Variants in CC2D1B observed in about 807,000 individuals in gnomAD.
CC2D1B encodes coiled-coil and C2 domain containing 1B.
CC2D1B carries 92 observed loss-of-function variants against 110.8 expected under a neutral mutation model. The ratio of observed to expected loss-of-function variants is 0.83; its 90% CI spans 0.70 to 0.99. The LOEUF (loss-of-function observed/expected upper bound fraction) is 0.99. Among genes scored for constraint, CC2D1B ranks in the 50% least tolerant of loss-of-function variants. CC2D1B has a pLI of 0.00. For missense variants in CC2D1B, 1,136 were observed against 1,089.0 expected (o/e 1.04, Z -0.61); for synonymous variants, 406 against 429.2 (o/e 0.95, Z 0.67).
chr1:52,360,321 C>A, intron 6 of CC2D1B, 88 bp from the exon 7 acceptor site: 1 of 1,595,648 alleles, frequency 6.3e-7, no homozygotes, highest in South Asian at 1.1e-5. Flanking sequence ...CCCCCAACCC[C>A]CAAAGTCTGG....
chr1:52,355,609 G>C lies in CC2D1B; in HGVS notation c.2186C>G (p.Ser729Trp), dbSNP rs758309950. 4.3e-6 allele frequency: 7 copies of C among 1,614,162 alleles called. No homozygotes were observed. The highest frequency in any genetic ancestry group is 5.1e-6 in the Non-Finnish European group (6 of 1,180,004). The change falls in exon 20 of 25, where the codon TCG becomes TGG. Residue 729 changes from serine (S) to tryptophan (W), a missense_variant and splice_region_variant. Physicochemically the swap from Ser to Trp is radical, Grantham distance 177. Coordinates refer to ENST00000284376, the MANE Select transcript of CC2D1B (RefSeq NM_001330585.2). ...ATCCTACTTCTACCTGAACCTCACC[G>C]AGTTAGGGTAGTGAAACTCAAACCG... is the stretch of plus-strand genomic sequence containing the variant. ...FVRFEFHYPN[S>W]DQAQKSKTAV...
intron 11 of CC2D1B, 121 bp downstream of exon 11, chr1:52,358,906 C>A: frequency 6.8e-7 from 1 of 1,477,602 alleles, no homozygotes; most frequent in Non-Finnish European, 9.2e-7. Context: ...AGCAAGAGCC[C>A]CAGAGAGACA....
chr1:52,358,692 G>C lies in CC2D1B; in HGVS notation c.1324C>G (p.Pro442Ala). Residue 442 changes from proline to alanine, a missense_variant, in exon 12 of 25, where the codon CCT becomes GCT. Pro to Ala is a conservative substitution (Grantham distance 27). Coordinates refer to ENST00000284376, the MANE Select transcript of CC2D1B (RefSeq NM_001330585.2). Reference protein sequence around the residue: ...RKVNFAELPVPPGFPPIPGLE... With the variant: ...RKVNFAELPVAPGFPPIPGLE... ...TAGGCCATGCCCCACTTACCTGGAG[G>C]AACAGGCAATTCAGCAAAGTTGACT... The C allele has an allele frequency of 1.9e-6, 3 of 1,613,118 alleles. No individual in the cohort carries two copies. The highest frequency in any genetic ancestry group is 1.3e-5 in the African/African-American group (1 of 74,946).
In CC2D1B at chr1:52,357,885, G is replaced by T; in HGVS notation, c.1475C>A (p.Ala492Glu). ...DKDEDEGEPP[A>E]QAPVAKKPAR... ...AGGTTTCTTGGCCACTGGGGCCTGT[G>T]CTGGGGGCTCACCCTGCAGGTGCCC... The change falls in exon 14 of 25, where the codon GCA (alanine) becomes GAA (glutamate). Residue 492 changes from alanine to glutamate, a missense_variant. Transcript: ENST00000284376. The T allele has an allele frequency of 6.4e-7, 1 of 1,564,758 alleles. No individual in the cohort carries two copies.
chr1:52,361,437 C>T, intron 4 of CC2D1B, 76 bp downstream of exon 4: 1 of 1,596,488 alleles, frequency 6.3e-7, no homozygotes, highest in Non-Finnish European at 8.5e-7. Context: ...CACCCCCAGC[C>T]TCCTCTCCAC....
Position 52,358,725 on chromosome 1 carries a change from C to T in CC2D1B, c.1291G>A (p.Gly431Arg). The T allele has an allele frequency of 1.2e-6, 2 of 1,613,168 alleles. No individual in the cohort carries two copies. Among genetic ancestry groups the T allele is most frequent in the Admixed American group, 1.7e-5 (1 of 59,714 alleles). The change falls in exon 12 of 25, where the codon GGA (glycine) becomes AGA (arginine). Residue 431 changes from glycine (G) to arginine (R), a missense_variant. By Grantham distance (125) the Gly-to-Arg change is moderately radical. Transcript: ENST00000284376. ...YQDAIRAHRA[G>R]RKVNFAELPV... ...AATTCAGCAAAGTTGACTTTCCGTC[C>T]TGCTCGGTGTGCTCGAATAGCATCT...
chr1:52,355,770 C>T lies in CC2D1B; in HGVS notation c.2128+1G>A. 1 of 1,614,034 alleles carries T rather than the reference C, an allele frequency of 6.2e-7. No homozygotes were observed. The highest frequency in any genetic ancestry group is 1.6e-4 in the Middle Eastern group (1 of 6,062). ...TGGAGTAGGGGCGGCCCTAGGGTTA[C>T]CTGGAGGGGCTGGGAGGTTCATTCC... On this transcript the variant is annotated splice_donor_variant, in intron 19 of 24. Coordinates refer to ENST00000284376, the MANE Select transcript of CC2D1B (RefSeq NM_001330585.2). LOFTEE classifies it high-confidence loss of function.
chr1:52,355,551 C>T lies in CC2D1B; in HGVS notation c.2187+57G>A, dbSNP rs1209096916. The T allele has an allele frequency of 7.5e-6, 12 of 1,609,788 alleles. No individual in the cohort carries two copies. In the Admixed American group the frequency reaches 2.0e-4, roughly 27 times the overall value. On this transcript the variant is annotated intron_variant, in intron 20 of 24. Transcript: ENST00000284376. Reference sequence around the variant, plus strand: ...CCCAGGGATGGGAAGAAAGTGAGCACAGGGTCCTGGAATGCAAGGCGGGTT... The same window carrying T: ...CCCAGGGATGGGAAGAAAGTGAGCATAGGGTCCTGGAATGCAAGGCGGGTT...
rs1646604475 is a variant in CC2D1B at position 52,354,641 on chromosome 1, C to T, written c.2397G>A (p.Leu799=). ...VGTAHLKLER[L]ENECEIREIV... ...TTTCTCTGATCTCACACTCATTCTC[C>T]AGCCGCTCCAGTTTCAGGTGTGCTG... The change falls in exon 23 of 25, where the codon CTG becomes CTA. Residue 799 remains leucine, a synonymous_variant. Coordinates refer to ENST00000284376, the MANE Select transcript of CC2D1B (RefSeq NM_001330585.2). 1 of 1,614,132 alleles carries T rather than the reference C, an allele frequency of 6.2e-7. No homozygotes were observed. The highest frequency in any genetic ancestry group is 8.5e-7 in the Non-Finnish European group (1 of 1,180,056).
chr1:52,357,746 C>A, intron 14 of CC2D1B, 35 bp downstream of exon 14: 1 of 1,604,398 alleles, frequency 6.2e-7, no homozygotes, highest in Non-Finnish European at 8.5e-7. Flanking sequence ...CCTCTCTAGG[C>A]CCTCAGTTCT....
intron 22 of CC2D1B, 31 bp from the exon 23 acceptor site, chr1:52,354,729 A>C: frequency 6.2e-7 from 1 of 1,611,742 alleles, no homozygotes; most frequent in Non-Finnish European, 8.5e-7. Flanking sequence ...AGAGGATTGG[A>C]CTGGGCAGGG....
chr1:52,362,154 T>G (rs760550638), intron 3 of CC2D1B, among the ~76,000 whole-genome samples: 17 of 151,852 alleles, frequency 1.1e-4, no homozygotes, highest in Non-Finnish European at 2.1e-4. Context: ...GGGGGATGAG[T>G]GGGGGGATTC....
Position 52,357,604 on chromosome 1 carries a change from TTTGGCCTGCTCCAGGTCCTGGCTGCGC to T in CC2D1B, c.1647_1673del (p.Arg550_Lys558del), listed in dbSNP as rs1324047373. The stretch of plus-strand genomic sequence containing the variant: ...GCCATTTGGCTACCCGCAGATAGGC[TTTGGCCTGCTCCAGGTCCTGGCTGCGC>T]TTGGCCTGCAGGGCTGCCCGCTGAT... On this transcript the variant is annotated inframe_deletion, in exon 15 of 25. Coordinates refer to ENST00000284376, the MANE Select transcript of CC2D1B (RefSeq NM_001330585.2). 1 of 1,589,282 alleles carries T rather than the reference TTTGGCCTGCTCCAGGTCCTGGCTGCGC, an allele frequency of 6.3e-7. No homozygotes were observed. Among genetic ancestry groups the T allele is most frequent in the Non-Finnish European group, 8.6e-7 (1 of 1,166,940 alleles).
chr1:52,357,030 G>A lies in CC2D1B; in HGVS notation c.1849C>T (p.Leu617=), dbSNP rs1265082402. 2 of 1,574,466 alleles carry A rather than the reference G, an allele frequency of 1.3e-6. No individual in the cohort carries two copies. The highest frequency in any genetic ancestry group is 1.3e-5 in the African/African-American group (1 of 74,206). The change falls in exon 16 of 25, where the codon CTG becomes TTG. Residue 617 remains leucine, a synonymous_variant. Coordinates refer to ENST00000284376, the MANE Select transcript of CC2D1B (RefSeq NM_001330585.2). ...SQKAEEVYAQ[L]QKMLLEQQEK... is the part of the protein sequence containing the mutation. ...TGTTGCTCCAGAAGCATTTTTTGCA[G>A]CTGGGCATACACCTCCTCCGCCTTC...
At chr1:52,362,874 A>G in intron 2 of CC2D1B, 128 bp from the exon 3 acceptor site, 1 of 915,800 alleles carries the variant, frequency 1.1e-6, no homozygotes, top group East Asian at 2.5e-5. Context: ...AATGTGCAGA[A>G]AGAAACTGAG....
At chr1:52,360,012 G>C (rs1646744511) in intron 7 of CC2D1B, 62 bp downstream of exon 7, 1 of 1,548,290 alleles carries the variant, frequency 6.5e-7, no homozygotes, top group Admixed American at 1.9e-5. Context: ...TGGCAGGCTG[G>C]GGACACACGC....
In CC2D1B at chr1:52,358,436, C is replaced by T. The variant is rs1646702201; in HGVS notation, c.1356G>A (p.Glu452=). Residue 452 remains glutamate, a synonymous_variant, in exon 13 of 25, where the codon GAG becomes GAA. Coordinates refer to ENST00000284376, the MANE Select transcript of CC2D1B (RefSeq NM_001330585.2). ...PPGFPPIPGL[E]STMGVEEDAV... is the part of the protein sequence containing the mutation. ...CGTCCTCCTCAACACCCATAGTGGA[C>T]TCCAGGCCAGGGATGGGGGGAAATC... 1 of 1,614,012 alleles carries T rather than the reference C, an allele frequency of 6.2e-7. No homozygotes were observed. Among genetic ancestry groups the T allele is most frequent in the East Asian group, 2.2e-5 (1 of 44,870 alleles).
intron 23 of CC2D1B, chr1:52,354,001 ACT>A (rs1412954894): frequency 7.2e-6 from 2 of 276,904 alleles, no homozygotes; most frequent in Non-Finnish European, 1.4e-5. Flanking sequence ...GAAGCAGATG[ACT>A]CTATGTGGCA....
chr1:52,353,491 G>T (rs1228700359), intron 24 of CC2D1B, 27 bp downstream of exon 24: 1 of 1,593,352 alleles, frequency 6.3e-7, no homozygotes, highest in South Asian at 1.1e-5. Context: ...GGGGGCAAAG[G>T]TTCTGAAGGC....
Sources: gnomAD v4.1 joint callset for allele counts (sites outside exome capture counted in the v4.1 genomes callset) on GRCh38, gnomAD v4.1.1 for gene constraint, MANE v1.5 for transcripts, NCBI Gene and HGNC (gene_info 2026-07-23, HGNC 2026-07-21) for gene names.